CUX1: variants seen among roughly 807,000 people sequenced by gnomAD.
CUX1 encodes the protein protein CASP.
Under a neutral mutation model 158.8 loss-of-function variants are expected in CUX1, and 31 were observed. The ratio of observed to expected loss-of-function variants is 0.20; its 90% CI spans 0.15 to 0.26. CUX1 has a LOEUF of 0.26. Among genes scored for constraint, CUX1 ranks in the 10% least tolerant of loss-of-function variants. The probability of loss-of-function intolerance (pLI) is 1.00; values close to 1 mark genes in which losing one functional copy is unlikely to be tolerated. For synonymous variants in CUX1, 879 were observed against 862.1 expected (o/e 1.02, Z -0.34); for missense variants, 1,589 against 2,014.6 (o/e 0.79, Z 4.04).
intron 2 of CUX1, among the ~76,000 whole-genome samples, chr7:101,976,899 G>GTTTTTTTT (rs1812758993): frequency 1.7e-4 from 7 of 40,738 alleles, no homozygotes; most frequent in South Asian, 1.5e-3. Context: ...TTCCCTTTCT[G>GTTTTTTTT]ATTTTTTTTT....
At position 102,020,874 on chromosome 7, in the gene CUX1, C is replaced by T. The variant is rs368711810; in HGVS notation, c.142-7224C>T. On this transcript the variant is annotated intron_variant, in intron 2 of 23. Transcript: ENST00000292535. ...CAGCCTGGGTGACAAGAGCAAAACT[C>T]GGTTTGGAAAAAAAAAAAAAAAAGA... 7.5e-4 allele frequency among the ~76,000 whole-genome samples: 110 copies of T among 146,062 alleles called. No individual in the cohort carries two copies. In the South Asian group the frequency reaches 0.01, roughly 14 times the overall value.
chr7:102,216,632 C>CG, intron 20 of CUX1, among the ~76,000 whole-genome samples: 1 of 123,248 alleles, frequency 8.1e-6, no homozygotes, highest in Non-Finnish European at 1.7e-5. Flanking sequence ...CACACACACC[C>CG]CCACACACGC....
At chr7:102,206,177 T>C (rs529124620) in intron 20 of CUX1, among the ~76,000 whole-genome samples, 1 of 152,268 alleles carries the variant, frequency 6.6e-6, no homozygotes, top group Admixed American at 6.5e-5. Flanking sequence ...CTCATACAGA[T>C]GCAGCCGGGG....
intron 1 of CUX1, among the ~76,000 whole-genome samples, chr7:101,861,626 G>A (rs1464496767): frequency 6.6e-6 from 1 of 151,548 alleles, no homozygotes; most frequent in Admixed American, 6.6e-5. Context: ...GGGGTGGGGT[G>A]GGGTGGAGAA....
chr7:101,849,565 T>G (rs951447677), intron 1 of CUX1, among the ~76,000 whole-genome samples: 2 of 152,218 alleles, frequency 1.3e-5, no homozygotes, highest in African/African-American at 4.8e-5. Context: ...CATGTTTTCT[T>G]TATCCAGTCC....
At chr7:101,948,605 G>T (rs12668796) in intron 2 of CUX1, among the ~76,000 whole-genome samples, 31,231 of 152,052 alleles carry the variant, frequency 0.21, 3,738 homozygotes, top group Non-Finnish European at 0.27. Context: ...TCTGTATCTG[G>T]ATCCCCTCAA....
chr7:101,861,575 G>A (rs943397600), intron 1 of CUX1, among the ~76,000 whole-genome samples: 16 of 151,482 alleles, frequency 1.1e-4, no homozygotes, highest in Middle Eastern at 3.4e-3. Flanking sequence ...TGGGACAGGC[G>A]GAGGACTGGG....
At position 101,956,138 on chromosome 7, in the gene CUX1, C is replaced by CAAA. The variant is rs11462111; in HGVS notation, c.141+39936_141+39938dup. Among the ~76,000 whole-genome samples the CAAA allele has an allele frequency of 8.7e-3, 555 of 63,918 alleles. 12 individuals carry two copies. The highest frequency in any genetic ancestry group is 0.011 in the Middle Eastern group (1 of 88). The allele number at this position is 63,918 out of a possible 152,430, so 41.9% of individuals were successfully genotyped here. On this transcript the variant is annotated intron_variant, in intron 2 of 23. Transcript: ENST00000292535. ...TGGAGCTTGCAGTGAGCCCACGTCT[C>CAAA]AAAAAAAAAAAAAAAAAAAAAAAAA... is the stretch of plus-strand genomic sequence containing the variant.
chr7:102,009,059 C>T (rs1438170525), intron 2 of CUX1, among the ~76,000 whole-genome samples: 4 of 152,138 alleles, frequency 2.6e-5, no homozygotes, highest in African/African-American at 7.2e-5. Flanking sequence ...TTCAGAGGCT[C>T]GGCCTGCCAG....
intron 21 of CUX1, among the ~76,000 whole-genome samples, chr7:102,232,907 G>T (rs1035514727): frequency 9.9e-5 from 15 of 152,152 alleles, no homozygotes; most frequent in Admixed American, 3.3e-4. Flanking sequence ...AATTGGAATC[G>T]GCCGGCCTCT....
chr7:101,873,198 T>A (rs1047775342), intron 1 of CUX1, among the ~76,000 whole-genome samples: 445 of 148,178 alleles, frequency 3.0e-3, no homozygotes, highest in East Asian at 0.015. Flanking sequence ...TTTTTTTTTT[T>A]AATTTTTATT....
chr7:101,992,101 G>A (rs1352201479), intron 2 of CUX1, among the ~76,000 whole-genome samples: 2 of 152,142 alleles, frequency 1.3e-5, no homozygotes, highest in African/African-American at 4.8e-5. Context: ...TTAGAGTTGT[G>A]GACTGTATAA....
chr7:102,240,000 G>A (rs1416945122), intron 23 of CUX1, among the ~76,000 whole-genome samples: 2 of 152,048 alleles, frequency 1.3e-5, no homozygotes, highest in East Asian at 1.9e-4. Context: ...TGCCCACCTC[G>A]GCCCCGCAAA....
At chr7:102,111,808 G>T in intron 7 of CUX1, 34 bp downstream of exon 7, 1 of 1,594,588 alleles carries the variant, frequency 6.3e-7, no homozygotes, top group Non-Finnish European at 8.6e-7. Flanking sequence ...CCATGGATGT[G>T]GGGAGGACCC....
rs1330875449 is a variant in CUX1, at chr7:102,204,513, A to G, written c.3030A>G (p.Leu1010=). The G allele has an allele frequency of 6.2e-7, 1 of 1,613,676 alleles. No homozygotes were observed. The highest frequency in any genetic ancestry group is 1.7e-5 in the Admixed American group (1 of 60,026). Residue 1010 remains leucine (L), a synonymous_variant, in exon 19 of 24, where the codon CTA becomes CTG. Coordinates refer to ENST00000292535, the MANE Select transcript of CUX1 (RefSeq NM_181552.4). ...IRMQLWLNGE[L]GQGVLPVQGQ... ...TGCAGCTCTGGCTGAACGGCGAGCT[A>G]GGCCAGGGTGTTCTACCCGTCCAGG...
intron 21 of CUX1, chr7:102,282,649 T>A: frequency 6.4e-7 from 1 of 1,567,224 alleles, no homozygotes; most frequent in South Asian, 1.1e-5. Flanking sequence ...CCAGGGGCCA[T>A]GGGTGGGCTG....
chr7:101,950,046 C>T (rs570039997), intron 2 of CUX1, among the ~76,000 whole-genome samples: 2 of 152,244 alleles, frequency 1.3e-5, no homozygotes, highest in South Asian at 2.1e-4. Context: ...CTCACCCTGT[C>T]GATCAGGCTG....
chr7:102,090,301 C>A (rs1367722550), intron 4 of CUX1, among the ~76,000 whole-genome samples: 2 of 150,568 alleles, frequency 1.3e-5, no homozygotes, highest in Non-Finnish European at 1.5e-5. Flanking sequence ...GGATATTCAG[C>A]TTGTACTAAT....
At chr7:102,147,541 G>A (rs1007603271) in intron 8 of CUX1, among the ~76,000 whole-genome samples, 17 of 152,112 alleles carry the variant, frequency 1.1e-4, no homozygotes, top group Admixed American at 5.9e-4. Context: ...TCTGAAAAGC[G>A]AATCATTTTC....
Sources: allele counts gnomAD v4.1 joint callset (sites outside exome capture counted in the v4.1 genomes callset), GRCh38; gene constraint gnomAD v4.1.1; transcripts MANE v1.5; gene names NCBI Gene and HGNC (gene_info 2026-07-23, HGNC 2026-07-21).